NUDT21: variants seen among roughly 807,000 people sequenced by gnomAD.
NUDT21 encodes nudix hydrolase 21.
In NUDT21, 5 loss-of-function variants were observed where a neutral mutation model predicts 29.8. The ratio of observed to expected loss-of-function variants is 0.17; its 90% CI spans 0.09 to 0.35. The LOEUF (loss-of-function observed/expected upper bound fraction) is 0.35, where lower values mean the gene tolerates loss of function less well. Ranked by LOEUF, NUDT21 falls within the 10% of genes least tolerant of loss-of-function variation. The pLI, the probability that NUDT21 is intolerant of heterozygous loss-of-function variation, is 1.00. For missense variants in NUDT21, 76 were observed against 276.0 expected (o/e 0.28, Z 5.13); for synonymous variants, 113 against 98.5 (o/e 1.15, Z -0.87).
intron 6 of NUDT21, among the ~76,000 whole-genome samples, chr16:56,434,057 T>C (rs191868900): frequency 1.1e-3 from 168 of 152,330 alleles, no homozygotes; most frequent in African/African-American, 3.9e-3. Context: ...TAACCATCTC[T>C]TTTTTGAATA....
At chr16:56,447,709 G>T in intron 2 of NUDT21, 80 bp downstream of exon 2, 1 of 1,261,136 alleles carries the variant, frequency 7.9e-7, no homozygotes, top group African/African-American at 1.5e-5. Flanking sequence ...AATGACCGAG[G>T]GCTAAAATTG....
chr16:56,435,125 TG>T (rs1334260835), intron 4 of NUDT21: 1 of 195,524 alleles, frequency 5.1e-6, no homozygotes, highest in African/African-American at 2.3e-5. Flanking sequence ...AGCTTTTTTT[TG>T]TTTGTTTGTT....
chr16:56,437,121 TTAGG>T (rs1178212809), intron 4 of NUDT21, among the ~76,000 whole-genome samples: 9 of 152,206 alleles, frequency 5.9e-5, no homozygotes, highest in African/African-American at 2.2e-4. Context: ...CTGGCAATTC[TTAGG>T]TAGTGAACAC....
intron 3 of NUDT21, among the ~76,000 whole-genome samples, chr16:56,443,976 C>G (rs1468742227): frequency 6.6e-6 from 1 of 152,180 alleles, no homozygotes; most frequent in Non-Finnish European, 1.5e-5. Context: ...ACAAGAATTC[C>G]AACCCTCAGC....
At chr16:56,442,476 T>G (rs1567539354) in intron 3 of NUDT21, among the ~76,000 whole-genome samples, 1 of 152,368 alleles carries the variant, frequency 6.6e-6, no homozygotes, top group South Asian at 2.1e-4. Context: ...TCTGGGTAGT[T>G]TAATGCAATT....
chr16:56,437,816 AAAGTC>A (rs2143936466), intron 4 of NUDT21, among the ~76,000 whole-genome samples: 2 of 152,336 alleles, frequency 1.3e-5, no homozygotes, highest in South Asian at 4.1e-4. Context: ...TCTTTTGAAT[AAAGTC>A]AAGTCTTTAG....
intron 3 of NUDT21, among the ~76,000 whole-genome samples, chr16:56,445,654 G>C (rs566526670): frequency 6.6e-6 from 1 of 152,262 alleles, no homozygotes; most frequent in Non-Finnish European, 1.5e-5. Flanking sequence ...CAGTTCCTCA[G>C]TCATTCTGGT....
intron 5 of NUDT21, 98 bp from the exon 6 acceptor site, chr16:56,434,543 GA>G (rs1441184844): frequency 1.2e-6 from 1 of 834,532 alleles, no homozygotes; most frequent in Non-Finnish European, 1.9e-6. Context: ...AAAAGTGTAA[GA>G]AAAAAGATAA....
chr16:56,441,733 A>G (rs188179951), intron 3 of NUDT21, among the ~76,000 whole-genome samples: 124 of 152,288 alleles, frequency 8.1e-4, no homozygotes, highest in African/African-American at 2.9e-3. Flanking sequence ...TGATTAGCAA[A>G]CCGTATCTCC....
chr16:56,446,367 C>A lies in NUDT21; in HGVS notation c.381+259G>T, dbSNP rs1365989321. The A allele has an allele frequency of 1.5e-5, 5 of 344,504 alleles. No homozygotes were observed. In the Admixed American group the frequency reaches 2.4e-4, roughly 16 times the overall value. The allele number at this position is 344,504 out of a possible 1,614,324, so 21.3% of individuals were successfully genotyped here. A position where few individuals can be genotyped will look rare whatever the true frequency, so the allele number is the denominator to read the frequency against. Reference sequence around the variant, plus strand: ...TAAAGGAATTAGCGCATGTAAAGCACTCAGAACAGTGTCTAGCACAGTAAT... The same window carrying A: ...TAAAGGAATTAGCGCATGTAAAGCAATCAGAACAGTGTCTAGCACAGTAAT... On this transcript the variant is annotated intron_variant, in intron 3 of 6. Coordinates refer to ENST00000300291, the MANE Select transcript of NUDT21 (RefSeq NM_007006.3).
At chr16:56,439,331 C>G in intron 4 of NUDT21, 1 of 253,652 alleles carries the variant, frequency 3.9e-6, no homozygotes, top group South Asian at 4.5e-5. Context: ...ACCATCAAAC[C>G]CAGCTGATTT....
At chr16:56,442,539 C>T (rs563416444) in intron 3 of NUDT21, among the ~76,000 whole-genome samples, 1 of 152,324 alleles carries the variant, frequency 6.6e-6, no homozygotes, top group East Asian at 1.9e-4. Flanking sequence ...CCTCCACCTC[C>T]CACTTTGGAA....
chr16:56,434,067 A>G (rs969699479), intron 6 of NUDT21, among the ~76,000 whole-genome samples: 2 of 152,304 alleles, frequency 1.3e-5, no homozygotes, highest in African/African-American at 4.8e-5. Flanking sequence ...TTTTTTGAAT[A>G]AAGACATCAA....
In NUDT21 at chr16:56,429,514, A is replaced by C. The variant is rs1174599356; in HGVS notation, c.*3198T>G. On this transcript the variant is annotated 3_prime_UTR_variant, in exon 7 of 7. Transcript: ENST00000300291. The stretch of plus-strand genomic sequence containing the variant: ...AGTTTTTTTCCACAAAAACAAGCTT[A>C]ATAACTATAATACAAGCTAATATTA... The C allele has an allele frequency of 6.6e-6, 1 of 152,236 alleles. No individual in the cohort carries two copies. The highest frequency in any genetic ancestry group is 2.4e-5 in the African/African-American group (1 of 41,462). The allele number at this position is 152,236 out of a possible 1,614,324, so 9.4% of individuals were successfully genotyped here. A position where few individuals can be genotyped will look rare whatever the true frequency, so the allele number is the denominator to read the frequency against.
chr16:56,449,425 C>G (rs1276061490), intron 1 of NUDT21, among the ~76,000 whole-genome samples: 7 of 152,138 alleles, frequency 4.6e-5, no homozygotes, highest in Admixed American at 4.6e-4. Context: ...GCAATATTTC[C>G]TAAAATAAAA....
chr16:56,439,885 T>C, intron 3 of NUDT21, 139 bp from the exon 4 acceptor site: 1 of 703,394 alleles, frequency 1.4e-6, no homozygotes, highest in African/African-American at 1.8e-5. Flanking sequence ...TTTCTATGAT[T>C]TGTTAATATA....
Position 56,451,284 on chromosome 16 carries a change from A to T in NUDT21, c.-82T>A. The T allele has an allele frequency of 9.1e-7, 1 of 1,097,478 alleles. No individual in the cohort carries two copies. Among genetic ancestry groups the T allele is most frequent in the Non-Finnish European group, 1.3e-6 (1 of 754,530 alleles). The allele number at this position is 1,097,478 out of a possible 1,614,324, so 68.0% of individuals were successfully genotyped here. ...CCCGTGCGGGAAGCGGTTATCTGCA[A>T]TCCCCTCAGCGGCTACTGCCCGCCA... On this transcript the variant is annotated 5_prime_UTR_variant, in exon 1 of 7. The change creates a new upstream start codon in the 5' untranslated region. Transcript: ENST00000300291.
chr16:56,440,462 A>T (rs903855914), intron 3 of NUDT21, among the ~76,000 whole-genome samples: 10 of 152,202 alleles, frequency 6.6e-5, no homozygotes, highest in African/African-American at 2.4e-4. Context: ...TATTACACTT[A>T]ATCTTCATTT....
intron 3 of NUDT21, among the ~76,000 whole-genome samples, chr16:56,441,572 A>T (rs559063799): frequency 6.6e-6 from 1 of 152,334 alleles, no homozygotes; most frequent in Admixed American, 6.5e-5. Flanking sequence ...AAAAGCCTAT[A>T]ACCCTCTACT....
Sources: gnomAD v4.1 joint callset for allele counts (sites outside exome capture counted in the v4.1 genomes callset) on GRCh38, gnomAD v4.1.1 for gene constraint, MANE v1.5 for transcripts, NCBI Gene and HGNC (gene_info 2026-07-23, HGNC 2026-07-21) for gene names.